Variants in FBXO10 observed in about 807,000 individuals in gnomAD.
FBXO10 encodes F-box only protein 10.
In FBXO10, 39 loss-of-function variants were observed where a neutral mutation model predicts 80.7. The observed-to-expected ratio is 0.48, with a 90% confidence interval of 0.37 to 0.63. FBXO10 has a LOEUF of 0.63. Among genes scored for constraint, FBXO10 ranks in the 30% least tolerant of loss-of-function variants. The pLI is 0.00. For synonymous variants in FBXO10, 449 were observed against 489.6 expected, an observed-to-expected ratio of 0.92 and a Z score of 1.09; for missense variants, 1,025 against 1,269.0, an observed-to-expected ratio of 0.81 and a Z score of 2.92.
intron 10 of FBXO10, among the ~76,000 whole-genome samples, chr9:37,513,413 T>C (rs1011637106): frequency 1.5e-4 from 23 of 152,174 alleles, no homozygotes; most frequent in Admixed American, 1.4e-3. Context: ...GTGAATAAAC[T>C]GTGCAGTACA....
At chr9:37,552,341 G>A (rs10973409) in intron 1 of FBXO10, among the ~76,000 whole-genome samples, 1 of 152,032 alleles carries the variant, frequency 6.6e-6, no homozygotes, top group Non-Finnish European at 1.5e-5. Flanking sequence ...GTCTTAGTCT[G>A]TTTAGTGCAA....
rs1726177621 is a variant in FBXO10, at chr9:37,541,751, G to A, written c.18C>T (p.Leu6=). 1 of 1,600,004 alleles carries A rather than the reference G, an allele frequency of 6.2e-7. No individual in the cohort carries two copies. The highest frequency in any genetic ancestry group is 1.3e-5 in the African/African-American group (1 of 74,638). MEAGG[L]PLELWRMILA... The stretch of plus-strand genomic sequence containing the variant: ...AGATCATGCGCCACAGCTCCAAGGG[G>A]AGGCCACCAGCCTCCATGGTCACCT... The change falls in exon 2 of 11, where the codon CTC becomes CTT. Residue 6 remains leucine (L), a synonymous_variant. Transcript: ENST00000432825.
At chr9:37,572,187 A>G (rs1235645896) in intron 1 of FBXO10, among the ~76,000 whole-genome samples, 7 of 152,148 alleles carry the variant, frequency 4.6e-5, no homozygotes, top group African/African-American at 1.7e-4. Flanking sequence ...TTAAAACCAC[A>G]AGAAATATCA....
At chr9:37,572,810 T>C (rs190859447) in intron 1 of FBXO10, among the ~76,000 whole-genome samples, 23 of 152,342 alleles carry the variant, frequency 1.5e-4, no homozygotes, top group Admixed American at 1.3e-3. Flanking sequence ...ATTGTGTTTT[T>C]TACCATGCAT....
chr9:37,557,118 A>G (rs1822355831), intron 1 of FBXO10, among the ~76,000 whole-genome samples: 1 of 152,236 alleles, frequency 6.6e-6, no homozygotes, highest in Non-Finnish European at 1.5e-5. Context: ...TCCATGCACT[A>G]TGAGAGTAGG....
intron 8 of FBXO10, among the ~76,000 whole-genome samples, chr9:37,518,973 C>A (rs1373019263): frequency 2.6e-5 from 4 of 151,764 alleles, no homozygotes; most frequent in Admixed American, 6.6e-5. Context: ...GCGGTGGCGC[C>A]ATCTCGGCTC....
chr9:37,516,188 T>C (rs1821175363), intron 9 of FBXO10, 103 bp from the exon 10 acceptor site: 3 of 1,313,924 alleles, frequency 2.3e-6, no homozygotes, highest in Non-Finnish European at 3.1e-6. Context: ...GGCAGGAACA[T>C]GCCAGGCAGG....
intron 3 of FBXO10, among the ~76,000 whole-genome samples, chr9:37,536,267 A>C (rs28552944): frequency 0.034 from 5,220 of 152,176 alleles, 299 homozygotes; most frequent in African/African-American, 0.12. Context: ...GCTTATTTTC[A>C]TTTTACGAAA....
chr9:37,521,496 T>C (rs1373549719), intron 8 of FBXO10, 73 bp downstream of exon 8: 2 of 1,384,156 alleles, frequency 1.4e-6, no homozygotes, highest in Non-Finnish European at 1.9e-6. Context: ...TTAAAAGTTT[T>C]AAATTGGAGA....
At chr9:37,516,148 G>A in intron 9 of FBXO10, 63 bp from the exon 10 acceptor site, 1 of 1,532,070 alleles carries the variant, frequency 6.5e-7, no homozygotes, top group East Asian at 2.3e-5. Flanking sequence ...GGAGAGCTGG[G>A]CAAGTGAATT....
At position 37,521,675 on chromosome 9, in the gene FBXO10, A is replaced by G. The variant is rs762337206; in HGVS notation, c.2094T>C (p.Asp698=). Residue 698 remains aspartate, a synonymous_variant, in exon 8 of 11, where the codon GAT becomes GAC. Coordinates refer to ENST00000432825, the MANE Select transcript of FBXO10 (RefSeq NM_012166.3). ...GHRAQENFSE[D]GDAILWETEL... is the part of the protein sequence containing the mutation. ...CTGTCTCCCAGAGGATGGCGTCCCC[A>G]TCCTCGCTGAAGTTCTCTTGAGCCC... is the stretch of plus-strand genomic sequence containing the variant. 3.1e-6 allele frequency: 5 copies of G among 1,613,930 alleles called. No homozygotes were observed. Among genetic ancestry groups the G allele is most frequent in the Non-Finnish European group, 4.2e-6 (5 of 1,179,866 alleles).
chr9:37,550,353 T>C (rs1421654411), intron 1 of FBXO10, among the ~76,000 whole-genome samples: 3 of 151,650 alleles, frequency 2.0e-5, no homozygotes, highest in Non-Finnish European at 4.4e-5. Context: ...CAGCTAATTT[T>C]TGTATTTTTA....
At chr9:37,556,540 T>A (rs995232901) in intron 1 of FBXO10, among the ~76,000 whole-genome samples, 27 of 132,900 alleles carry the variant, frequency 2.0e-4, no homozygotes, top group Non-Finnish European at 3.4e-4. Flanking sequence ...TGGATTTTTT[T>A]TTTTTTTTTT....
At chr9:37,568,180 A>T (rs1822657440) in intron 1 of FBXO10, among the ~76,000 whole-genome samples, 1 of 152,130 alleles carries the variant, frequency 6.6e-6, no homozygotes, top group East Asian at 1.9e-4. Context: ...AAATCCTGAC[A>T]GTTTTCTCAA....
intron 1 of FBXO10, among the ~76,000 whole-genome samples, chr9:37,546,713 CTT>C (rs756793633): frequency 6.1e-4 from 87 of 141,900 alleles, no homozygotes; most frequent in Middle Eastern, 3.5e-3. Flanking sequence ...CTAGAGATGT[CTT>C]TTTTTTTTTT....
At chr9:37,530,308 G>A (rs866415949) in intron 4 of FBXO10, among the ~76,000 whole-genome samples, 2 of 152,298 alleles carry the variant, frequency 1.3e-5, no homozygotes, top group South Asian at 4.1e-4. Context: ...GATTTTTCCT[G>A]AAGGATTTGG....
chr9:37,555,497 C>T (rs1813557375), intron 1 of FBXO10, among the ~76,000 whole-genome samples: 1 of 152,092 alleles, frequency 6.6e-6, no homozygotes, highest in Admixed American at 6.5e-5. Flanking sequence ...TCTCCTGCCT[C>T]AGCCTCCCGA....
At chr9:37,533,039 A>C (rs1240453628) in intron 3 of FBXO10, among the ~76,000 whole-genome samples, 3 of 152,208 alleles carry the variant, frequency 2.0e-5, no homozygotes, top group Non-Finnish European at 4.4e-5. Flanking sequence ...TGAGACTCCA[A>C]ATGAAGGGAT....
intron 9 of FBXO10, among the ~76,000 whole-genome samples, chr9:37,516,762 G>C (rs1279493137): frequency 6.6e-6 from 1 of 152,042 alleles, no homozygotes; most frequent in Non-Finnish European, 1.5e-5. Context: ...CTGAGGTCAG[G>C]AGTTTGAGAC....
Sources: gnomAD v4.1 joint callset for allele counts (sites outside exome capture counted in the v4.1 genomes callset) on GRCh38, gnomAD v4.1.1 for gene constraint, MANE v1.5 for transcripts, NCBI Gene and HGNC (gene_info 2026-07-23, HGNC 2026-07-21) for gene names.